Variants in TJP1 observed in about 807,000 individuals in gnomAD.
TJP1 encodes the protein tight junction protein 1.
In TJP1, 43 loss-of-function variants were observed where a neutral mutation model predicts 194.2. The ratio of observed to expected loss-of-function variants is 0.22; its 90% CI spans 0.17 to 0.29. The LOEUF (loss-of-function observed/expected upper bound fraction) is 0.29, where lower values mean the gene tolerates loss of function less well. TJP1 is among the 10% of genes least tolerant of loss of function. TJP1 has a pLI of 1.00. For missense variants in TJP1, 1,971 were observed against 2,185.7 expected (o/e 0.90, Z 1.96); for synonymous variants, 801 against 779.0 (o/e 1.03, Z -0.47).
intron 2 of TJP1, among the ~76,000 whole-genome samples, chr15:29,839,140 A>T (rs1282064271): frequency 6.6e-6 from 1 of 151,594 alleles, no homozygotes; most frequent in Non-Finnish European, 1.5e-5. Flanking sequence ...CTGGGACTAC[A>T]GGAGCCCACC....
chr15:29,837,110 T>C (rs943406825), intron 2 of TJP1, among the ~76,000 whole-genome samples: 1 of 152,220 alleles, frequency 6.6e-6, no homozygotes, highest in Non-Finnish European at 1.5e-5. Flanking sequence ...AGGTGAAATA[T>C]ATTATTCTGT....
At chr15:29,820,698 G>A (rs1258934356) in intron 1 of TJP1, 2 of 601,860 alleles carry the variant, frequency 3.3e-6, no homozygotes, top group Non-Finnish European at 6.0e-6. Context: ...CCCCAGAAAA[G>A]ACAAATAATG....
Position 29,947,630 on chromosome 15 carries a change from A to C in TJP1, c.306+8602T>G, listed in dbSNP as rs144725942. Among the ~76,000 whole-genome samples, 575 of 152,316 alleles carry C rather than the reference A, an allele frequency of 3.8e-3. 3 individuals carry two copies. Among genetic ancestry groups the C allele is most frequent in the Middle Eastern group, 0.027 (8 of 294 alleles). On this transcript the variant is annotated intron_variant, in intron 2 of 28. Coordinates refer to the TJP1 transcript ENST00000356107. ...ATTTTCCACCCTCCCTTAGAACAGAAAATGGCAATGTGATGCAATTCTTGC... is the reference window on the plus strand; with the variant it reads ...ATTTTCCACCCTCCCTTAGAACAGACAATGGCAATGTGATGCAATTCTTGC...
intron 1 of TJP1, among the ~76,000 whole-genome samples, chr15:29,813,776 T>C (rs1278194623): frequency 1.3e-5 from 2 of 152,200 alleles, no homozygotes; most frequent in African/African-American, 4.8e-5. Context: ...TATTTGCTGC[T>C]CTCTACCCGC....
At chr15:29,791,064 G>A (rs1567035017) in intron 2 of TJP1, among the ~76,000 whole-genome samples, 1 of 151,872 alleles carries the variant, frequency 6.6e-6, no homozygotes, top group African/African-American at 2.4e-5. Context: ...GTCTCACTCT[G>A]TCACCAGGCT....
rs753427614 is a variant in TJP1, at chr15:29,766,233, G to C, written c.589+33C>G. ...ATTAAAATTAGTTTTAAATTTTCAT[G>C]TGAAAAAAACAGCAAGAGTTGGCAG... is the stretch of plus-strand genomic sequence containing the variant. On this transcript the variant is annotated intron_variant, in intron 5 of 27. Transcript: ENST00000614355. 14 of 1,583,974 alleles carry C rather than the reference G, an allele frequency of 8.8e-6. No homozygotes were observed. The East Asian group carries it at 3.1e-4, about 35-fold the overall frequency.
chr15:29,947,466 T>C (rs1435850760), intron 2 of TJP1, among the ~76,000 whole-genome samples: 2 of 152,226 alleles, frequency 1.3e-5, no homozygotes, highest in Non-Finnish European at 1.5e-5. Flanking sequence ...ATTAATTTTC[T>C]GGTCTGTGAG....
intron 2 of TJP1, among the ~76,000 whole-genome samples, chr15:29,842,464 C>A (rs1452000687): frequency 3.3e-5 from 5 of 152,034 alleles, no homozygotes; most frequent in Admixed American, 1.3e-4. Context: ...CGCAGGTGCA[C>A]CCACACACAC....
chr15:29,800,573 C>T (rs1467701432), intron 2 of TJP1, 73 bp downstream of exon 2: 7 of 1,482,980 alleles, frequency 4.7e-6, no homozygotes, highest in Non-Finnish European at 6.5e-6. Flanking sequence ...TGACATCTGG[C>T]TTTCCTCTAT....
chr15:29,705,198 C>T (rs2041815955), intron 26 of TJP1, among the ~76,000 whole-genome samples: 1 of 152,192 alleles, frequency 6.6e-6, no homozygotes, highest in South Asian at 2.1e-4. Flanking sequence ...GTTACCTAAC[C>T]CATCTCCAGA....
Position 29,851,316 on chromosome 15 carries a change from G to A in TJP1, c.307-50614C>T, listed in dbSNP as rs183640370. On this transcript the variant is annotated intron_variant, in intron 2 of 28. Transcript: ENST00000356107. ...GGATATCACTACAGACCCTACAGTC[G>A]TTATTAGTATAATAACCAAATACTA... Among the ~76,000 whole-genome samples, 198 of 152,080 alleles carry A rather than the reference G, an allele frequency of 1.3e-3. 1 individual carries two copies. The highest frequency in any genetic ancestry group is 4.4e-3 in the African/African-American group (184 of 41,530).
At chr15:29,950,898 G>A (rs1025369736) in intron 2 of TJP1, among the ~76,000 whole-genome samples, 15 of 152,164 alleles carry the variant, frequency 9.9e-5, no homozygotes, top group African/African-American at 3.4e-4. Context: ...ATCCTTATCT[G>A]TAAAATGAGG....
chr15:29,702,343 G>A (rs550523343), intron 27 of TJP1, among the ~76,000 whole-genome samples: 3 of 152,180 alleles, frequency 2.0e-5, no homozygotes, highest in Non-Finnish European at 4.4e-5. Flanking sequence ...AAAACTCATT[G>A]ACTGGGTGTT....
chr15:29,938,190 G>C (rs2054946282), intron 2 of TJP1, among the ~76,000 whole-genome samples: 2 of 152,172 alleles, frequency 1.3e-5, no homozygotes, highest in African/African-American at 4.8e-5. Flanking sequence ...ATGCCACAAT[G>C]GTATGGGAAG....
intron 2 of TJP1, among the ~76,000 whole-genome samples, chr15:29,846,184 T>C (rs982724499): frequency 4.6e-5 from 7 of 152,200 alleles, no homozygotes; most frequent in African/African-American, 1.7e-4. Flanking sequence ...CTCCTGCTTA[T>C]AATCCTGCAA....
In TJP1 at chr15:29,760,320, T is replaced by C. The variant is rs45448495; in HGVS notation, c.1010+819A>G. ...ATGTACGTGTGACTCTAAAGAAAGA[T>C]AAACTCAGGTAGGTCATATACTACC... is the stretch of plus-strand genomic sequence containing the variant. On this transcript the variant is annotated intron_variant, in intron 8 of 27. Coordinates refer to ENST00000614355, the MANE Select transcript of TJP1 (RefSeq NM_001330239.4). 2.4e-5 allele frequency: 17 copies of C among 699,370 alleles called. No homozygotes were observed. The Admixed American group carries it at 3.2e-4, about 13-fold the overall frequency. 43.3% of individuals were successfully genotyped at this position (699,370 alleles called of 1,614,324 possible).
chr15:29,792,031 C>T (rs1829707273), intron 2 of TJP1, among the ~76,000 whole-genome samples: 1 of 151,062 alleles, frequency 6.6e-6, no homozygotes, highest in Admixed American at 6.6e-5. Context: ...GTTATTATCT[C>T]ATCAGTTGGG....
intron 1 of TJP1, among the ~76,000 whole-genome samples, chr15:29,816,921 C>T (rs2049965207): frequency 6.6e-6 from 1 of 152,140 alleles, no homozygotes; most frequent in Non-Finnish European, 1.5e-5. Flanking sequence ...ATGATGAAAA[C>T]ACCAAAAGCA....
intron 1 of TJP1, among the ~76,000 whole-genome samples, chr15:29,959,784 T>C (rs2056088602): frequency 6.6e-6 from 1 of 152,242 alleles, no homozygotes; most frequent in Non-Finnish European, 1.5e-5. Context: ...TAAAAATTAA[T>C]TTTCTTCTTT....
Sources: gnomAD v4.1 joint callset for allele counts (sites outside exome capture counted in the v4.1 genomes callset) on GRCh38, gnomAD v4.1.1 for gene constraint, MANE v1.5 for transcripts, NCBI Gene and HGNC (gene_info 2026-07-23, HGNC 2026-07-21) for gene names.